Variants in TRIM16 observed in about 807,000 individuals in gnomAD.
The protein encoded by TRIM16 is tripartite motif-containing protein 16.
Under a neutral mutation model 50.4 loss-of-function variants are expected in TRIM16, and 33 were observed. The observed-to-expected ratio is 0.65, with a 90% confidence interval of 0.50 to 0.88. TRIM16 has a LOEUF of 0.88. TRIM16 is among the 40% of genes least tolerant of loss of function. TRIM16 has a pLI of 0.00. For synonymous variants in TRIM16, 229 were observed against 270.7 expected (o/e 0.85, Z 1.51); for missense variants, 581 against 686.8 (o/e 0.85, Z 1.72).
intron 7 of TRIM16, among the ~76,000 whole-genome samples, chr17:15,643,786 C>T (rs1320104176): frequency 6.6e-6 from 1 of 152,234 alleles, no homozygotes; most frequent in Non-Finnish European, 1.5e-5. Flanking sequence ...TGAGCCTAGG[C>T]TGACCCCACA....
intron 6 of TRIM16, among the ~76,000 whole-genome samples, chr17:15,663,107 C>T (rs1356584831): frequency 6.6e-6 from 1 of 152,086 alleles, no homozygotes; most frequent in Non-Finnish European, 1.5e-5. Context: ...GGGCACAATA[C>T]CCCCTCAGGA....
intron 6 of TRIM16, among the ~76,000 whole-genome samples, chr17:15,663,778 T>C (rs1032623025): frequency 1.1e-4 from 16 of 152,116 alleles, no homozygotes; most frequent in Admixed American, 2.6e-4. Flanking sequence ...CTCCATACAA[T>C]GAATGCCATG....
intron 6 of TRIM16, among the ~76,000 whole-genome samples, chr17:15,665,632 T>C (rs1326907953): frequency 1.3e-5 from 2 of 152,170 alleles, no homozygotes; most frequent in Non-Finnish European, 2.9e-5. Flanking sequence ...TCAGTGGCCA[T>C]TACTTTTCAG....
intron 10 of TRIM16, 31 bp downstream of exon 10, chr17:15,632,478 A>T: frequency 1.3e-6 from 2 of 1,583,370 alleles, no homozygotes; most frequent in Non-Finnish European, 1.7e-6. Flanking sequence ...AGACACACTC[A>T]CTATAGTCCA....
rs568652155 is a variant in TRIM16 at position 15,649,432 on chromosome 17, G to A, written c.519+1659C>T. On this transcript the variant is annotated intron_variant, in intron 7 of 11. Coordinates refer to ENST00000649191, the MANE Select transcript of TRIM16 (RefSeq NM_001348119.1). ...CTCCCTAGCAGCTGGGACTACAGTC[G>A]CCCGCCACCACACCCAGCTAATTTT... Among the ~76,000 whole-genome samples, 507 of 152,038 alleles carry A rather than the reference G, an allele frequency of 3.3e-3. 1 individual carries two copies. Among genetic ancestry groups the A allele is most frequent in the Non-Finnish European group, 5.5e-3 (376 of 67,970 alleles).
Position 15,677,247 on chromosome 17 carries a change from G to C in TRIM16, c.-409C>G. The C allele has an allele frequency of 1.0e-6, 1 of 985,434 alleles. No homozygotes were observed. Among genetic ancestry groups the C allele is most frequent in the Non-Finnish European group, 1.2e-6 (1 of 829,938 alleles). 61.0% of individuals were successfully genotyped at this position (985,434 alleles called of 1,614,324 possible). On this transcript the variant is annotated 5_prime_UTR_variant, in exon 6 of 12. Transcript: ENST00000649191. ...TGGGCTTACCACTTCTTCCAACTAG[G>C]AGATGATACCAGGTTTGGAAAATGG...
At chr17:15,645,017 T>C (rs1486923483) in intron 7 of TRIM16, among the ~76,000 whole-genome samples, 1 of 152,176 alleles carries the variant, frequency 6.6e-6, no homozygotes, top group Non-Finnish European at 1.5e-5. Context: ...GGTTTCACTA[T>C]GTTGGCCAGA....
In TRIM16 at chr17:15,636,069, C is replaced by T. The variant is rs758618394; in HGVS notation, c.816G>A (p.Met272Ile). The change falls in exon 9 of 12, where the codon ATG becomes ATA. Residue 272 changes from methionine to isoleucine, a missense_variant. Around this residue, in one of 3 missense-constraint regions of TRIM16, gnomAD observed 450 missense variants for 544.3 expected, o/e 0.83. Transcript: ENST00000649191. ...ACTGGACAGTGTTGCTGATGGCCGC[C>T]ATCCTCTCCAGCTCCTGCTTGCTCT... The part of the protein sequence containing the change: ...MEKSKQELER[M>I]AAISNTVQFL... 19 of 1,609,818 alleles carry T rather than the reference C, an allele frequency of 1.2e-5. 1 individual carries two copies. Among genetic ancestry groups the T allele is most frequent in the Admixed American group, 1.7e-5 (1 of 59,910 alleles).
At chr17:15,649,372 C>G (rs1356291418) in intron 7 of TRIM16, among the ~76,000 whole-genome samples, 2 of 151,986 alleles carry the variant, frequency 1.3e-5, no homozygotes, top group African/African-American at 4.8e-5. Flanking sequence ...CTGCAACCTC[C>G]GCCTCCCAGG....
chr17:15,638,401 T>C (rs1986953818), intron 8 of TRIM16, among the ~76,000 whole-genome samples: 1 of 148,358 alleles, frequency 6.7e-6, no homozygotes, highest in African/African-American at 2.5e-5. Context: ...TGAAACCCTG[T>C]CTCTACTAAA....
intron 6 of TRIM16, among the ~76,000 whole-genome samples, chr17:15,659,058 C>G (rs567064058): frequency 6.6e-6 from 1 of 152,346 alleles, no homozygotes; most frequent in South Asian, 2.1e-4. Flanking sequence ...CAGGGCACTG[C>G]GTGTACCTTC....
At chr17:15,653,931 C>A (rs2150921568) in intron 6 of TRIM16, among the ~76,000 whole-genome samples, 1 of 152,250 alleles carries the variant, frequency 6.6e-6, no homozygotes, top group East Asian at 1.9e-4. Flanking sequence ...CTACAGTTTT[C>A]CCTGGGATTA....
chr17:15,643,855 T>C (rs1373577398), intron 7 of TRIM16, among the ~76,000 whole-genome samples: 1 of 152,224 alleles, frequency 6.6e-6, no homozygotes, highest in Non-Finnish European at 1.5e-5. Context: ...GTCTACATTT[T>C]TTTACTTAGC....
intron 6 of TRIM16, among the ~76,000 whole-genome samples, chr17:15,674,231 A>G (rs2654360): frequency 3.3e-5 from 5 of 151,968 alleles, no homozygotes; most frequent in African/African-American, 9.7e-5. Context: ...TTAGCCGGGC[A>G]TGGTGACGGG....
intron 11 of TRIM16, among the ~76,000 whole-genome samples, chr17:15,631,225 G>T (rs1317936455): frequency 6.6e-6 from 1 of 152,194 alleles, no homozygotes; most frequent in East Asian, 1.9e-4. Flanking sequence ...CTGTGACCTT[G>T]GATTGGACTT....
chr17:15,642,692 C>T lies in TRIM16; in HGVS notation c.615+29G>A. 2.6e-6 allele frequency: 2 copies of T among 776,394 alleles called. 1 individual carries two copies. Among genetic ancestry groups the T allele is most frequent in the Non-Finnish European group, 4.1e-6 (2 of 490,964 alleles). 48.1% of individuals were successfully genotyped at this position (776,394 alleles called of 1,614,324 possible). ...TGCAGTACCACGTCCCACACCCTCA[C>T]AGGCCTGGCTGACCCAGGCTGGTCT... On this transcript the variant is annotated intron_variant, in intron 8 of 11. Coordinates refer to ENST00000649191, the MANE Select transcript of TRIM16 (RefSeq NM_001348119.1).
At chr17:15,651,975 T>G in intron 6 of TRIM16, 29 bp from the exon 7 acceptor site, 2 of 1,183,634 alleles carry the variant, frequency 1.7e-6, no homozygotes, top group Non-Finnish European at 1.1e-6. Context: ...TCCTGAGCTC[T>G]GTTATAAGCC....
intron 1 of TRIM16, 33 bp from the exon 2 acceptor site, chr17:15,683,190 C>A: frequency 6.9e-7 from 1 of 1,456,418 alleles, no homozygotes. Context: ...GAAGTTTTCC[C>A]CTTTTTCATT....
rs3174720 is a variant in TRIM16 at position 15,628,833 on chromosome 17, G to A, written c.1477C>T (p.Arg493Trp). Residue 493 changes from arginine (R) to tryptophan (W), a missense_variant, in exon 12 of 12, where the codon CGG becomes TGG. Physicochemically the swap from Arg to Trp is moderately radical, Grantham distance 101. Transcript: ENST00000649191. ...AAGTCGATATAGACCCCGAGCCTCC[G>A]GAAAGGGCCAGCTTTGAGTGGGGTC... The part of the protein sequence containing the change: ...METPLKAGPF[R>W]RLGVYIDFPG... 0.042 allele frequency: 67,564 copies of A among 1,614,086 alleles called. 1,573 individuals are homozygous for A. Among genetic ancestry groups the A allele is most frequent in the Non-Finnish European group, 0.047 (54,965 of 1,179,972 alleles).
Sources: gnomAD v4.1 joint callset for allele counts (sites outside exome capture counted in the v4.1 genomes callset) on GRCh38, gnomAD v4.1.1 for gene constraint, gnomAD v4.1.1 regional missense constraint, MANE v1.5 for transcripts, NCBI Gene and HGNC (gene_info 2026-07-23, HGNC 2026-07-21) for gene names.